The following CPEB2 variants were observed in gnomAD, a reference collection of about 807,000 sequenced individuals.
CPEB2 encodes cytoplasmic polyadenylation element-binding protein 2.
CPEB2 carries 56 observed loss-of-function variants against 93.6 expected under a neutral mutation model. The observed-to-expected ratio is 0.60, with a 90% CI of 0.48 to 0.75. The LOEUF is 0.75. CPEB2 is among the 30% of genes least tolerant of loss of function. The pLI, the probability that CPEB2 is intolerant of heterozygous loss-of-function variation, is 0.00. For missense variants in CPEB2, 1,579 were observed against 1,395.1 expected, an observed-to-expected ratio of 1.13 and a Z score of -2.10; for synonymous variants, 764 against 586.3, an observed-to-expected ratio of 1.30 and a Z score of -4.38.
chr4:15,007,163 GT>G, intron 1 of CPEB2, 141 bp from the exon 2 acceptor site: 1 of 632,654 alleles, frequency 1.6e-6, no homozygotes. Context: ...TCTCAAGACT[GT>G]TACTTTTATA....
Position 15,008,329 on chromosome 4 carries a change from C to T in CPEB2, c.1945-9C>T. The T allele has an allele frequency of 6.3e-7, 1 of 1,599,504 alleles. No individual in the cohort carries two copies. The highest frequency in any genetic ancestry group is 8.6e-7 in the Non-Finnish European group (1 of 1,167,030). On this transcript the variant is annotated splice_polypyrimidine_tract_variant and intron_variant, in intron 2 of 11. Coordinates refer to ENST00000538197, the MANE Select transcript of CPEB2 (RefSeq NM_001177382.2). ...CTCATTTCTGATGAAAACTTCTATG[C>T]TATTGAAGGTGAGATCTAGTTTGCA...
intron 6 of CPEB2, among the ~76,000 whole-genome samples, chr4:15,040,998 C>G (rs1727125374): frequency 6.6e-6 from 1 of 151,962 alleles, no homozygotes; most frequent in South Asian, 2.1e-4. Context: ...GAATATAACC[C>G]CTTCTTTCCC....
At chr4:15,034,720 A>C (rs1243290689) in intron 5 of CPEB2, among the ~76,000 whole-genome samples, 1 of 152,192 alleles carries the variant, frequency 6.6e-6, no homozygotes, top group Non-Finnish European at 1.5e-5. Flanking sequence ...TCATTGGTTG[A>C]GAGTGAAGCA....
intron 6 of CPEB2, among the ~76,000 whole-genome samples, chr4:15,040,905 A>G (rs1199301059): frequency 2.0e-5 from 3 of 152,170 alleles, no homozygotes; most frequent in African/African-American, 7.2e-5. Context: ...ATGTTGACCC[A>G]GTTGAAAATA....
intron 8 of CPEB2, among the ~76,000 whole-genome samples, chr4:15,057,291 C>G (rs1321330228): frequency 6.6e-6 from 1 of 151,974 alleles, no homozygotes; most frequent in Non-Finnish European, 1.5e-5. Context: ...GGTGAAATGG[C>G]TCCAGGTATT....
At chr4:15,006,384 TACTG>T (rs954124617) in intron 1 of CPEB2, 2 of 151,632 alleles carry the variant, frequency 1.3e-5, no homozygotes, top group African/African-American at 2.4e-5. Flanking sequence ...AGTATAAACT[TACTG>T]ACAGTAGAAT....
intron 6 of CPEB2, 152 bp from the exon 7 acceptor site, chr4:15,052,262 A>T: frequency 2.1e-6 from 1 of 476,374 alleles, no homozygotes; most frequent in Non-Finnish European, 3.6e-6. Flanking sequence ...CCAGGTAATT[A>T]AAACCACATG....
In CPEB2 at chr4:15,002,485, C is replaced by T. The variant is rs933277523; in HGVS notation, c.-189C>T. On this transcript the variant is annotated 5_prime_UTR_variant, in exon 1 of 12. The change creates a new upstream start codon in the 5' untranslated region. Coordinates refer to ENST00000538197, the MANE Select transcript of CPEB2 (RefSeq NM_001177382.2). ...GCCAGGGCGGCTACGGCGACTGCGA[C>T]GGCGGCGGCGGCGGCGATCGCCGCG... Among the ~76,000 whole-genome samples, 7 of 150,852 alleles carry T rather than the reference C, an allele frequency of 4.6e-5. No individual in the cohort carries two copies. The highest frequency in any genetic ancestry group is 4.6e-4 in the Admixed American group (7 of 15,184).
chr4:15,052,566 C>T lies in CPEB2; in HGVS notation c.2353C>T (p.Pro785Ser), dbSNP rs1315383416. 6.5e-7 allele frequency: 1 copy of T among 1,534,174 alleles called. No homozygotes were observed. The highest frequency in any genetic ancestry group is 1.2e-5 in the South Asian group (1 of 80,068). The change falls in exon 7 of 12, where the codon CCT (proline) becomes TCT (serine). Residue 785 changes from proline to serine, a missense_variant. By Grantham distance (74) the Pro-to-Ser change is moderately conservative (BLOSUM62 -1). Coordinates refer to ENST00000538197, the MANE Select transcript of CPEB2 (RefSeq NM_001177382.2). Reference sequence around the variant, plus strand: ...TCGAAAAGTTTTTGTTGGTGGTCTTCCTCCAGATATTGATGAAGGTATTTA... The same window carrying T: ...TCGAAAAGTTTTTGTTGGTGGTCTTTCTCCAGATATTGATGAAGGTATTTA... ...FSRKVFVGGLPPDIDEDEITA... is the reference protein window; with the variant it reads ...FSRKVFVGGLSPDIDEDEITA...
At chr4:15,013,504 A>G (rs185667189) in intron 3 of CPEB2, among the ~76,000 whole-genome samples, 9 of 152,134 alleles carry the variant, frequency 5.9e-5, no homozygotes, top group Admixed American at 1.3e-4. Flanking sequence ...TAGTTCTTCT[A>G]TTTAGTTTTC....
chr4:15,064,190 A>G (rs911214102), intron 11 of CPEB2, among the ~76,000 whole-genome samples: 8 of 152,074 alleles, frequency 5.3e-5, no homozygotes, highest in Non-Finnish European at 1.0e-4. Context: ...GTAATTCATT[A>G]TATTTTTTTG....
intron 5 of CPEB2, among the ~76,000 whole-genome samples, chr4:15,035,039 T>C (rs1577418377): frequency 6.6e-6 from 1 of 152,302 alleles, no homozygotes; most frequent in East Asian, 1.9e-4. Context: ...AAATTGTATC[T>C]CATAGTACGT....
chr4:15,064,624 G>T (rs989606410), intron 11 of CPEB2, among the ~76,000 whole-genome samples: 1 of 151,876 alleles, frequency 6.6e-6, no homozygotes, highest in Non-Finnish European at 1.5e-5. Flanking sequence ...GAAAACATAT[G>T]TAAATGTATT....
rs983844017 is a variant in CPEB2 at position 15,002,661 on chromosome 4, G to A, written c.-13G>A. ...ACGAGGAGCGTCTCCTCCCGCTGCC[G>A]GCGGCCTGATAAATGAGGGATTTCG... On this transcript the variant is annotated 5_prime_UTR_variant, in exon 1 of 12. Coordinates refer to ENST00000538197, the MANE Select transcript of CPEB2 (RefSeq NM_001177382.2). 4 of 1,485,212 alleles carry A rather than the reference G, an allele frequency of 2.7e-6. No homozygotes were observed. Among genetic ancestry groups the A allele is most frequent in the East Asian group, 2.6e-5 (1 of 38,526 alleles). 92.0% of individuals were successfully genotyped at this position (1,485,212 alleles called of 1,614,324 possible).
At position 15,025,740 on chromosome 4, in the gene CPEB2, T is replaced by C. The variant is rs115438097; in HGVS notation, c.2126-7421T>C. Among the ~76,000 whole-genome samples the C allele has an allele frequency of 2.3e-3, 346 of 152,136 alleles. 2 individuals are homozygous for C. The highest frequency in any genetic ancestry group is 7.8e-3 in the African/African-American group (325 of 41,520). On this transcript the variant is annotated intron_variant, in intron 4 of 11. Transcript: ENST00000538197. ...ACACAGTTATAACCAGAGCTTCTGA[T>C]TTCTGAACCTATCCAGGTGTGTACT...
intron 6 of CPEB2, among the ~76,000 whole-genome samples, chr4:15,051,373 T>C (rs1728204962): frequency 6.6e-6 from 1 of 152,210 alleles, no homozygotes; most frequent in Non-Finnish European, 1.5e-5. Flanking sequence ...TTCCAACATA[T>C]TTCAGCCAAC....
chr4:15,061,374 G>A (rs1276544732), intron 10 of CPEB2, among the ~76,000 whole-genome samples: 1 of 152,054 alleles, frequency 6.6e-6, no homozygotes, highest in African/African-American at 2.4e-5. Flanking sequence ...CAGTGAGGTA[G>A]GAGCAGAATT....
intron 11 of CPEB2, among the ~76,000 whole-genome samples, chr4:15,064,722 G>C (rs1250332430): frequency 6.6e-6 from 1 of 152,080 alleles, no homozygotes; most frequent in African/African-American, 2.4e-5. Flanking sequence ...AATGGGTGCT[G>C]TCCCAGTGTT....
At chr4:15,024,545 G>A (rs1725212274) in intron 4 of CPEB2, among the ~76,000 whole-genome samples, 2 of 151,900 alleles carry the variant, frequency 1.3e-5, no homozygotes, top group African/African-American at 4.8e-5. Flanking sequence ...CTTTCTGGAA[G>A]CTTTTAGGTT....
Sources: allele counts gnomAD v4.1 joint callset (sites outside exome capture counted in the v4.1 genomes callset), GRCh38; gene constraint gnomAD v4.1.1; transcripts MANE v1.5; gene names NCBI Gene and HGNC (gene_info 2026-07-23, HGNC 2026-07-21).